Variants in MACROD2 observed in about 807,000 individuals in gnomAD.
The protein encoded by MACROD2 is mono-ADP ribosylhydrolase 2, also known as ADP-ribose glycohydrolase MACROD2.
A neutral mutation model predicts 70.4 loss-of-function variants in MACROD2; 36 were observed. The observed-to-expected ratio is 0.51, with a 90% CI of 0.39 to 0.68. MACROD2 has a LOEUF of 0.68. MACROD2 is among the 30% of genes least tolerant of loss of function. MACROD2 has a pLI of 0.00. For synonymous variants in MACROD2, 172 were observed against 178.8 expected (o/e 0.96, Z 0.30); for missense variants, 496 against 538.4 (o/e 0.92, Z 0.78).
At chr20:15,005,108 C>T (rs1411890847) in intron 5 of MACROD2, among the ~76,000 whole-genome samples, 3 of 152,082 alleles carry the variant, frequency 2.0e-5, no homozygotes, top group Admixed American at 2.0e-4. Context: ...GCTACAATAA[C>T]CTATTGACTA....
chr20:14,634,568 A>C (rs1347149412), intron 4 of MACROD2, among the ~76,000 whole-genome samples: 3 of 110,402 alleles, frequency 2.7e-5, no homozygotes, highest in Admixed American at 1.4e-4. Flanking sequence ...AGTTTAATTT[A>C]TTTTCCTATA....
At chr20:14,503,530 C>A (rs2084936804) in intron 4 of MACROD2, among the ~76,000 whole-genome samples, 2 of 152,140 alleles carry the variant, frequency 1.3e-5, no homozygotes, top group African/African-American at 4.8e-5. Context: ...CTATGAACAA[C>A]TGGGAGAGAG....
At chr20:14,874,517 A>G (rs2073527020) in intron 5 of MACROD2, among the ~76,000 whole-genome samples, 1 of 151,592 alleles carries the variant, frequency 6.6e-6, no homozygotes, top group Non-Finnish European at 1.5e-5. Flanking sequence ...TTTTATTTAT[A>G]TTAGAATAAG....
intron 8 of MACROD2, among the ~76,000 whole-genome samples, chr20:15,524,303 T>A (rs1272437014): frequency 6.6e-6 from 1 of 151,940 alleles, no homozygotes; most frequent in African/African-American, 2.4e-5. Context: ...GCCACGTGAA[T>A]GAGTGAAGCA....
intron 3 of MACROD2, among the ~76,000 whole-genome samples, chr20:14,139,249 A>G (rs1408298137): frequency 6.6e-6 from 1 of 152,158 alleles, no homozygotes; most frequent in African/African-American, 2.4e-5. Flanking sequence ...TCAGCCTCCC[A>G]TAACTGCTGG....
At chr20:15,636,053 CAG>C (rs1199671233) in intron 8 of MACROD2, among the ~76,000 whole-genome samples, 1 of 124,360 alleles carries the variant, frequency 8.0e-6, no homozygotes, top group Non-Finnish European at 1.6e-5. Context: ...GCCTGGGCGA[CAG>C]AGCGAGGCTC....
At chr20:14,946,877 C>T (rs2074437091) in intron 5 of MACROD2, among the ~76,000 whole-genome samples, 2 of 152,060 alleles carry the variant, frequency 1.3e-5, no homozygotes, top group African/African-American at 4.8e-5. Flanking sequence ...GTATTCTCCC[C>T]CAATGGCTGA....
intron 4 of MACROD2, among the ~76,000 whole-genome samples, chr20:14,593,653 C>T (rs1237011357): frequency 6.6e-6 from 1 of 152,074 alleles, no homozygotes; most frequent in Non-Finnish European, 1.5e-5. Context: ...CAATTTTATG[C>T]ATTATTAAAA....
chr20:14,319,155 T>G (rs1478278486), intron 3 of MACROD2, among the ~76,000 whole-genome samples: 1 of 152,218 alleles, frequency 6.6e-6, no homozygotes, highest in African/African-American at 2.4e-5. Context: ...CTCCATCCTC[T>G]TCATCTCTGG....
intron 8 of MACROD2, among the ~76,000 whole-genome samples, chr20:15,752,100 A>AC (rs2051281267): frequency 6.6e-6 from 1 of 152,016 alleles, no homozygotes; most frequent in African/African-American, 2.4e-5. Context: ...CTTAATGCGT[A>AC]CAGAGATGTT....
intron 8 of MACROD2, among the ~76,000 whole-genome samples, chr20:15,814,262 T>C (rs2063850183): frequency 6.6e-6 from 1 of 152,202 alleles, no homozygotes; most frequent in Non-Finnish European, 1.5e-5. Context: ...TTTTCCATTA[T>C]AGTGGAAACC....
chr20:14,283,237 A>T (rs2082319946), intron 3 of MACROD2, among the ~76,000 whole-genome samples: 1 of 152,212 alleles, frequency 6.6e-6, no homozygotes, highest in African/African-American at 2.4e-5. Flanking sequence ...TGTTTGAATT[A>T]TTTAAAATTT....
intron 4 of MACROD2, among the ~76,000 whole-genome samples, chr20:14,643,291 G>T (rs1018657881): frequency 2.0e-4 from 31 of 152,202 alleles, no homozygotes; most frequent in African/African-American, 7.5e-4. Context: ...TTATTATTAT[G>T]TCAGTGCAAT....
intron 4 of MACROD2, among the ~76,000 whole-genome samples, chr20:14,521,942 G>A (rs1362843133): frequency 6.6e-6 from 1 of 152,130 alleles, no homozygotes; most frequent in African/African-American, 2.4e-5. Flanking sequence ...TTTTAGACCA[G>A]GTGGCCAGGC....
intron 7 of MACROD2, among the ~76,000 whole-genome samples, chr20:15,446,678 C>T (rs1056600946): frequency 2.6e-5 from 4 of 152,222 alleles, no homozygotes; most frequent in African/African-American, 9.6e-5. Flanking sequence ...TCAGGGGCTC[C>T]AAGCTTCCGC....
At chr20:15,196,346 T>C (rs184930747) in intron 5 of MACROD2, among the ~76,000 whole-genome samples, 1 of 152,286 alleles carries the variant, frequency 6.6e-6, no homozygotes. Context: ...AATGCATTAT[T>C]TAATTCATTA....
intron 4 of MACROD2, among the ~76,000 whole-genome samples, chr20:14,639,215 G>A (rs1984958713): frequency 6.6e-6 from 1 of 152,022 alleles, no homozygotes; most frequent in South Asian, 2.1e-4. Context: ...TGTAGTCTAA[G>A]GTAACCCTCT....
intron 9 of MACROD2, among the ~76,000 whole-genome samples, chr20:15,884,399 G>GT (rs2064796483): frequency 1.3e-5 from 2 of 152,144 alleles, no homozygotes; most frequent in South Asian, 2.1e-4. Context: ...CATGTGGGTG[G>GT]TAGCATGCAT....
intron 6 of MACROD2, among the ~76,000 whole-genome samples, chr20:15,307,194 G>C (rs1411375591): frequency 6.6e-6 from 1 of 152,158 alleles, no homozygotes; most frequent in African/African-American, 2.4e-5. Context: ...GCTCTATGCT[G>C]ATCTCTTGAG....
Sources: gnomAD v4.1 joint callset for allele counts (sites outside exome capture counted in the v4.1 genomes callset) on GRCh38, gnomAD v4.1.1 for gene constraint, MANE v1.5 for transcripts, NCBI Gene and HGNC (gene_info 2026-07-23, HGNC 2026-07-21) for gene names.